Variants in SSH1 observed in about 807,000 individuals in gnomAD.
SSH1 encodes slingshot protein phosphatase 1.
In SSH1, 43 loss-of-function variants were observed where a neutral mutation model predicts 79.7. The observed-to-expected ratio is 0.54, with a 90% CI of 0.42 to 0.70. The LOEUF is 0.70. SSH1 is among the 30% of genes least tolerant of loss of function. SSH1 has a pLI of 0.00. For synonymous variants in SSH1, 599 were observed against 538.3 expected (o/e 1.11, Z -1.56); for missense variants, 1,206 against 1,358.8 (o/e 0.89, Z 1.77).
intron 5 of SSH1, among the ~76,000 whole-genome samples, chr12:108,814,302 G>A (rs904280057): frequency 3.3e-5 from 5 of 151,758 alleles, no homozygotes; most frequent in East Asian, 1.9e-4. Context: ...CTGGAGAAGC[G>A]TTGGACTCTT....
In SSH1 at chr12:108,823,198, G is replaced by T. The variant is rs2038188095; in HGVS notation, c.214+60C>A. ...CTCAGCAACATCACCAACAATGGAA[G>T]TTTCCTCTGCTGTCCAGAAAAGAAG... On this transcript the variant is annotated intron_variant, in intron 3 of 14. Coordinates refer to ENST00000326495, the MANE Select transcript of SSH1 (RefSeq NM_018984.4). The T allele has an allele frequency of 3.4e-6, 5 of 1,483,360 alleles. No individual in the cohort carries two copies. The South Asian group carries it at 3.6e-5, about 11-fold the overall frequency. The allele number at this position is 1,483,360 out of a possible 1,614,324, so 91.9% of individuals were successfully genotyped here.
At chr12:108,810,122 T>C (rs1374236933) in intron 6 of SSH1, among the ~76,000 whole-genome samples, 4 of 152,060 alleles carry the variant, frequency 2.6e-5, no homozygotes, top group Admixed American at 2.6e-4. Context: ...TGTAATTGCA[T>C]GGAAACTATA....
chr12:108,799,033 T>C lies in SSH1; in HGVS notation c.1316A>G (p.Gln439Arg). The change falls in exon 13 of 15, where the codon CAG (glutamine) becomes CGG (arginine). Residue 439 changes from glutamine to arginine, a missense_variant. Physicochemically the swap from Gln to Arg is conservative, Grantham distance 43. Coordinates refer to ENST00000326495, the MANE Select transcript of SSH1 (RefSeq NM_018984.4). ...CAAGATGCCTTCATACTCAGACAGC[T>C]GCCTCATAAAGCCCGCGTTGGGGCG... ...ITRPNAGFMR[Q>R]LSEYEGILDA... The C allele has an allele frequency of 6.2e-7, 1 of 1,613,980 alleles. No homozygotes were observed. Among genetic ancestry groups the C allele is most frequent in the Non-Finnish European group, 8.5e-7 (1 of 1,180,048 alleles).
chr12:108,846,323 T>C (rs2038898909), intron 2 of SSH1, among the ~76,000 whole-genome samples: 1 of 151,936 alleles, frequency 6.6e-6, no homozygotes, highest in African/African-American at 2.4e-5. Flanking sequence ...TCACTCCTGA[T>C]CCACACCCTG....
intron 12 of SSH1, among the ~76,000 whole-genome samples, chr12:108,799,905 C>T (rs2036914630): frequency 1.3e-5 from 2 of 152,214 alleles, no homozygotes; most frequent in Admixed American, 1.3e-4. Flanking sequence ...GTAAGGGCAG[C>T]ACCTGCGAAA....
chr12:108,846,793 C>T (rs2038907823), intron 2 of SSH1, among the ~76,000 whole-genome samples: 1 of 152,204 alleles, frequency 6.6e-6, no homozygotes, highest in Admixed American at 6.5e-5. Context: ...CTGCAGGAGT[C>T]GGCCCCTTTA....
chr12:108,809,406 A>G (rs2037458324), intron 7 of SSH1, among the ~76,000 whole-genome samples: 1 of 150,616 alleles, frequency 6.6e-6, no homozygotes. Context: ...GCAGTGAACC[A>G]TGATCACACC....
intron 5 of SSH1, among the ~76,000 whole-genome samples, chr12:108,815,324 G>C (rs1054611024): frequency 2.0e-5 from 3 of 152,212 alleles, no homozygotes; most frequent in Non-Finnish European, 4.4e-5. Flanking sequence ...GATGTTCACA[G>C]AGGCATTTTG....
Position 108,835,946 on chromosome 12 carries a change from T to C in SSH1, c.111-12585A>G, listed in dbSNP as rs1289048444. Among the ~76,000 whole-genome samples, 5 of 147,074 alleles carry C rather than the reference T, an allele frequency of 3.4e-5. No individual in the cohort carries two copies. The East Asian group carries it at 9.8e-4, about 29-fold the overall frequency. ...ATTAATATAATCAATTATAACTATA[T>C]TAATATAATCGATTATAACTATATT... On this transcript the variant is annotated intron_variant, in intron 2 of 14. Coordinates refer to ENST00000326495, the MANE Select transcript of SSH1 (RefSeq NM_018984.4).
chr12:108,813,337 G>C (rs1406568246), intron 5 of SSH1, among the ~76,000 whole-genome samples: 5 of 152,134 alleles, frequency 3.3e-5, no homozygotes, highest in African/African-American at 9.7e-5. Context: ...CCCCATCGTG[G>C]AGTCCTTCAC....
rs909948991 is a variant in SSH1 at position 108,788,716 on chromosome 12, G to C, written c.2422C>G (p.Gln808Glu). ...AGCTGAATGATGGACTCCTGGTGCT[G>C]CATCAGGTAGCTGTTGGTTGTCGGC... is the stretch of plus-strand genomic sequence containing the variant. ...EKPTTNSYLM[Q>E]HQESIIQLQK... Residue 808 changes from glutamine (Q) to glutamate (E), a missense_variant, in exon 15 of 15, where the codon CAG (glutamine) becomes GAG (glutamate). Physicochemically the swap from Gln to Glu is conservative, Grantham distance 29. Around this residue, in one of 5 missense-constraint regions of SSH1, gnomAD observed 709 missense variants for 730.6 expected, o/e 0.97. Coordinates refer to ENST00000326495, the MANE Select transcript of SSH1 (RefSeq NM_018984.4). 1.5e-5 allele frequency: 25 copies of C among 1,614,124 alleles called. No individual in the cohort carries two copies. The highest frequency in any genetic ancestry group is 2.0e-5 in the Non-Finnish European group (24 of 1,180,058).
intron 6 of SSH1, 142 bp downstream of exon 6, chr12:108,811,118 G>A: frequency 2.5e-6 from 2 of 795,906 alleles, no homozygotes; most frequent in Non-Finnish European, 4.4e-6. Flanking sequence ...TCTCACTCGA[G>A]GGCAATATGA....
chr12:108,818,489 CT>C (rs2037990850), intron 3 of SSH1, among the ~76,000 whole-genome samples, 176 bp from the exon 4 acceptor site: 1 of 152,202 alleles, frequency 6.6e-6, no homozygotes. Context: ...TTACACCACT[CT>C]GAATACTGTG....
At chr12:108,789,939 C>T in intron 14 of SSH1, among the ~76,000 whole-genome samples, 1 of 152,080 alleles carries the variant, frequency 6.6e-6, no homozygotes, top group East Asian at 1.9e-4. Context: ...AGTGTTCCTC[C>T]TGCCTCGGCC....
Position 108,809,862 on chromosome 12 carries a change from C to T in SSH1, c.471-104G>A, listed in dbSNP as rs180997275. On this transcript the variant is annotated intron_variant, in intron 6 of 14. Transcript: ENST00000326495. ...GCCAAACCACTGCGCACGCTGGGAA[C>T]AAGCACATCTCAGGCCACATGATGA... 7.4e-6 allele frequency: 7 copies of T among 943,548 alleles called. No individual in the cohort carries two copies. The African/African-American group carries it at 9.7e-5, about 13-fold the overall frequency. 58.4% of individuals were successfully genotyped at this position (943,548 alleles called of 1,614,324 possible).
intron 2 of SSH1, among the ~76,000 whole-genome samples, chr12:108,844,845 A>C (rs1345843386): frequency 6.6e-6 from 1 of 152,220 alleles, no homozygotes. Context: ...GTGGTGGCTC[A>C]CGCCTGTAAT....
chr12:108,842,947 A>AG (rs2038814448), intron 2 of SSH1, among the ~76,000 whole-genome samples: 2 of 152,212 alleles, frequency 1.3e-5, no homozygotes, highest in South Asian at 4.1e-4. Flanking sequence ...AGGCAATCAC[A>AG]GAGTGGAGTA....
At position 108,797,926 on chromosome 12, in the gene SSH1, C is replaced by T. The variant is rs142593383; in HGVS notation, c.1349+1074G>A. On this transcript the variant is annotated intron_variant, in intron 13 of 14. Transcript: ENST00000326495. ...ACTGGTAGAAGGCAGCTGCCTCACACGATGAAGCAAAGGGCCCACTGAGCT... is the reference window on the plus strand; with the variant it reads ...ACTGGTAGAAGGCAGCTGCCTCACATGATGAAGCAAAGGGCCCACTGAGCT... 8.4e-3 allele frequency among the ~76,000 whole-genome samples: 1,279 copies of T among 152,306 alleles called. 19 individuals are homozygous for T. Among genetic ancestry groups the T allele is most frequent in the African/African-American group, 0.029 (1,226 of 41,568 alleles).
In SSH1 at chr12:108,800,691, G is replaced by T. The variant is rs151093216; in HGVS notation, c.1148+89C>A. The T allele has an allele frequency of 1.2e-5, 19 of 1,530,684 alleles. No individual in the cohort carries two copies. The Admixed American group carries it at 1.3e-4, about 11-fold the overall frequency. The allele number at this position is 1,530,684 out of a possible 1,614,324, so 94.8% of individuals were successfully genotyped here. A position where few individuals can be genotyped will look rare whatever the true frequency, so the allele number is the denominator to read the frequency against. On this transcript the variant is annotated intron_variant, in intron 12 of 14. Transcript: ENST00000326495. ...GTTAGGATCCCCCCTCCCACCAGCC[G>T]ACTTCTGCATCTGCAGTCTCGTTCA...
Sources: allele counts gnomAD v4.1 joint callset (sites outside exome capture counted in the v4.1 genomes callset), GRCh38; gene constraint gnomAD v4.1.1; regional missense constraint gnomAD v4.1.1; transcripts MANE v1.5; gene names NCBI Gene and HGNC (gene_info 2026-07-23, HGNC 2026-07-21).